GTPBP10: variants seen among roughly 807,000 people sequenced by gnomAD.
The protein encoded by GTPBP10 is GTP binding protein 10.
In GTPBP10, 38 loss-of-function variants were observed where a neutral mutation model predicts 44.8. The ratio of observed to expected loss-of-function variants is 0.85; its 90% CI spans 0.65 to 1.11. GTPBP10 has a LOEUF of 1.11. Ranked by LOEUF, GTPBP10 falls within the 50% of genes most tolerant of loss-of-function variation. The probability of loss-of-function intolerance (pLI) is 0.00; values close to 1 mark genes in which losing one functional copy is unlikely to be tolerated. For synonymous variants in GTPBP10, 152 were observed against 150.6 expected (o/e 1.01, Z -0.07); for missense variants, 462 against 453.7 (o/e 1.02, Z -0.17).
At chr7:90,368,168 T>C (rs1796174547) in intron 4 of GTPBP10, among the ~76,000 whole-genome samples, 1 of 152,236 alleles carries the variant, frequency 6.6e-6, no homozygotes, top group Admixed American at 6.5e-5. Flanking sequence ...TCTGATGGGC[T>C]TCCCTTTGTG....
At chr7:90,352,343 A>G (rs1297393718) in intron 1 of GTPBP10, among the ~76,000 whole-genome samples, 2 of 152,264 alleles carry the variant, frequency 1.3e-5, no homozygotes, top group African/African-American at 4.8e-5. Flanking sequence ...TGAGGTGGCT[A>G]TTATTCAACT....
At chr7:90,364,257 C>G (rs34477088) in intron 4 of GTPBP10, among the ~76,000 whole-genome samples, 10,240 of 152,150 alleles carry the variant, frequency 0.067, 379 homozygotes, top group South Asian at 0.15. Context: ...TTTTCCCCAT[C>G]TTTGTGGTTT....
intron 4 of GTPBP10, among the ~76,000 whole-genome samples, chr7:90,361,008 G>A (rs918363178): frequency 1.3e-5 from 2 of 152,172 alleles, no homozygotes; most frequent in African/African-American, 4.8e-5. Flanking sequence ...CTTTGCTGAA[G>A]TTGCTTATCA....
chr7:90,382,919 G>C (rs911793013), intron 8 of GTPBP10, 37 bp from the exon 9 acceptor site: 1 of 1,423,788 alleles, frequency 7.0e-7, no homozygotes, highest in African/African-American at 1.4e-5. Context: ...ACAGAAACCA[G>C]TACTAAAATT....
intron 6 of GTPBP10, among the ~76,000 whole-genome samples, chr7:90,374,920 A>T (rs1298734448): frequency 4.6e-5 from 7 of 152,214 alleles, no homozygotes; most frequent in Non-Finnish European, 5.9e-5. Context: ...CACACACAGA[A>T]GTCTGCACAT....
Position 90,389,366 on chromosome 7 carries a change from T to A in GTPBP10, c.*4212T>A, listed in dbSNP as rs1168600426. ...TACATGAGTTGTTTTTTAAACTCTT[T>A]TGGGAGCCTAAAAAATTTGAATTTT... On this transcript the variant is annotated 3_prime_UTR_variant, in exon 10 of 10. Transcript: ENST00000222511. The A allele has an allele frequency of 6.6e-6, 1 of 151,494 alleles. No homozygotes were observed. The highest frequency in any genetic ancestry group is 1.5e-5 in the Non-Finnish European group (1 of 67,886). 9.4% of individuals were successfully genotyped at this position (151,494 alleles called of 1,614,324 possible).
At chr7:90,374,503 A>G (rs1482501873) in intron 6 of GTPBP10, 149 bp downstream of exon 6, 7 of 583,354 alleles carry the variant, frequency 1.2e-5, no homozygotes, top group East Asian at 1.2e-4. Flanking sequence ...AACTGGTCAA[A>G]TTAATTCTGA....
In GTPBP10 at chr7:90,388,314, C is replaced by A. The variant is rs141819981; in HGVS notation, c.*3160C>A. On this transcript the variant is annotated 3_prime_UTR_variant, in exon 10 of 10. Coordinates refer to ENST00000222511, the MANE Select transcript of GTPBP10 (RefSeq NM_033107.4). Reference sequence around the variant, plus strand: ...CTTTTCATTTTTACCTTTCAAAATGCAATTTTCAAAATATATGCTTTTTTG... The same window carrying A: ...CTTTTCATTTTTACCTTTCAAAATGAAATTTTCAAAATATATGCTTTTTTG... 1.3e-5 allele frequency: 2 copies of A among 152,062 alleles called. No homozygotes were observed. The highest frequency in any genetic ancestry group is 4.8e-5 in the African/African-American group (2 of 41,406). 9.4% of individuals were successfully genotyped at this position (152,062 alleles called of 1,614,324 possible). A position where few individuals can be genotyped will look rare whatever the true frequency, so the allele number is the denominator to read the frequency against.
chr7:90,377,348 A>G (rs1211414778), intron 6 of GTPBP10, among the ~76,000 whole-genome samples, 159 bp from the exon 7 acceptor site: 1 of 152,236 alleles, frequency 6.6e-6, no homozygotes, highest in Admixed American at 6.5e-5. Context: ...TTAATACTGT[A>G]CATTAATTTT....
chr7:90,349,218 T>A (rs1795741937), intron 1 of GTPBP10, among the ~76,000 whole-genome samples: 1 of 152,250 alleles, frequency 6.6e-6, no homozygotes, highest in Non-Finnish European at 1.5e-5. Context: ...TCTTCAATTA[T>A]GTAAACTTCA....
chr7:90,385,390 C>A lies in GTPBP10; in HGVS notation c.*236C>A. ...TTGAGGAGATATTGGTCAAAATTTA[C>A]AAAATTTCAGTTAGACAAGGCAACT... On this transcript the variant is annotated 3_prime_UTR_variant, in exon 10 of 10. Transcript: ENST00000222511. 3.1e-6 allele frequency: 1 copy of A among 324,016 alleles called. No homozygotes were observed. Among genetic ancestry groups the A allele is most frequent in the Non-Finnish European group, 5.6e-6 (1 of 178,898 alleles). 20.1% of individuals were successfully genotyped at this position (324,016 alleles called of 1,614,324 possible).
In GTPBP10 at chr7:90,384,998, G is replaced by A. The variant is rs1013827347; in HGVS notation, c.1008G>A (p.Lys336=). 5 of 1,613,750 alleles carry A rather than the reference G, an allele frequency of 3.1e-6. No individual in the cohort carries two copies. The highest frequency in any genetic ancestry group is 3.4e-6 in the Non-Finnish European group (4 of 1,179,914). ...AVTGEGIEEL[K]NCIRKSLDEQ... ...CTGGAGAAGGAATCGAAGAATTAAAGAATTGTATAAGAAAGTCACTGGATG... is the reference window on the plus strand; with the variant it reads ...CTGGAGAAGGAATCGAAGAATTAAAAAATTGTATAAGAAAGTCACTGGATG... The change falls in exon 10 of 10, where the codon AAG becomes AAA. Residue 336 remains lysine (K), a synonymous_variant. Coordinates refer to ENST00000222511, the MANE Select transcript of GTPBP10 (RefSeq NM_033107.4).
chr7:90,359,582 A>G (rs1309699536), intron 4 of GTPBP10, among the ~76,000 whole-genome samples: 2 of 152,210 alleles, frequency 1.3e-5, no homozygotes, highest in African/African-American at 4.8e-5. Flanking sequence ...TGCTATTGTG[A>G]ATAGTGCCAC....
intron 4 of GTPBP10, among the ~76,000 whole-genome samples, chr7:90,357,420 A>AT (rs1795925223): frequency 1.3e-5 from 2 of 152,204 alleles, no homozygotes; most frequent in Admixed American, 6.5e-5. Context: ...TGAAAAAACT[A>AT]TATGTTCCAG....
chr7:90,389,599 A>T lies in GTPBP10; in HGVS notation c.*4445A>T, dbSNP rs17865492. On this transcript the variant is annotated 3_prime_UTR_variant, in exon 10 of 10. Transcript: ENST00000222511. Reference sequence around the variant, plus strand: ...ACGGGGTTTCACCATGTTGGCCAGGATGGGAAAATTTTTTAAAAGACATTT... The same window carrying T: ...ACGGGGTTTCACCATGTTGGCCAGGTTGGGAAAATTTTTTAAAAGACATTT... 6.6e-6 allele frequency: 1 copy of T among 151,946 alleles called. No individual in the cohort carries two copies. Among genetic ancestry groups the T allele is most frequent in the Non-Finnish European group, 1.5e-5 (1 of 67,982 alleles). 9.4% of individuals were successfully genotyped at this position (151,946 alleles called of 1,614,324 possible). A position where few individuals can be genotyped will look rare whatever the true frequency, so the allele number is the denominator to read the frequency against.
chr7:90,348,799 G>C (rs1220082703), intron 1 of GTPBP10, among the ~76,000 whole-genome samples: 5 of 152,160 alleles, frequency 3.3e-5, no homozygotes, highest in Non-Finnish European at 7.3e-5. Context: ...TGGTTTCAGT[G>C]CCTCTTCACA....
chr7:90,389,058 T>A lies in GTPBP10; in HGVS notation c.*3904T>A, dbSNP rs1467801931. On this transcript the variant is annotated 3_prime_UTR_variant, in exon 10 of 10. Transcript: ENST00000222511. The stretch of plus-strand genomic sequence containing the variant: ...ATCTTATTGCAAAAATAGGGCAACA[T>A]TTTGTTTTAAAGACCAAATAGTGAA... 2.6e-5 allele frequency: 4 copies of A among 152,236 alleles called. No individual in the cohort carries two copies. Among genetic ancestry groups the A allele is most frequent in the Non-Finnish European group, 4.4e-5 (3 of 68,038 alleles). 9.4% of individuals were successfully genotyped at this position (152,236 alleles called of 1,614,324 possible).
intron 1 of GTPBP10, 113 bp downstream of exon 1, chr7:90,346,887 TCCCATAGA>T: frequency 8.7e-7 from 1 of 1,150,656 alleles, no homozygotes; most frequent in East Asian, 2.3e-5. Context: ...TGCTTGGTTT[TCCCATAGA>T]CTTCTCCGCC....
chr7:90,370,014 A>G (rs1408984004), intron 4 of GTPBP10, among the ~76,000 whole-genome samples: 1 of 152,108 alleles, frequency 6.6e-6, no homozygotes, highest in Non-Finnish European at 1.5e-5. Context: ...AGAGGGAGGA[A>G]GGATAGGAGG....
Sources: allele counts gnomAD v4.1 joint callset (sites outside exome capture counted in the v4.1 genomes callset), GRCh38; gene constraint gnomAD v4.1.1; transcripts MANE v1.5; gene names NCBI Gene and HGNC (gene_info 2026-07-23, HGNC 2026-07-21).